Variants in PLEKHA5 observed in about 807,000 individuals in gnomAD.
The protein encoded by PLEKHA5 is pleckstrin homology domain-containing family A member 5.
In PLEKHA5, 55 loss-of-function variants were observed where a neutral mutation model predicts 181.9. The ratio of observed to expected loss-of-function variants is 0.30; its 90% confidence interval spans 0.24 to 0.38. The LOEUF (loss-of-function observed/expected upper bound fraction) is 0.38. Ranked by LOEUF, PLEKHA5 falls within the 10% of genes least tolerant of loss-of-function variation. The probability of loss-of-function intolerance (pLI) is 1.00; values close to 1 mark genes in which losing one functional copy is unlikely to be tolerated. For missense variants in PLEKHA5, 1,432 were observed against 1,549.5 expected (o/e 0.92, Z 1.27); for synonymous variants, 535 against 529.4 (o/e 1.01, Z -0.15).
At chr12:19,364,244 G>A (rs1364781820) in intron 29 of PLEKHA5, among the ~76,000 whole-genome samples, 3 of 151,854 alleles carry the variant, frequency 2.0e-5, no homozygotes, top group Non-Finnish European at 2.9e-5. Flanking sequence ...GCAGTGGCTC[G>A]TGCCTGAAAT....
rs768503723 is a variant in PLEKHA5 at position 19,361,661 on chromosome 12, A to C, written c.3563A>C (p.Asp1188Ala). The C allele has an allele frequency of 1.9e-6, 3 of 1,592,096 alleles. No individual in the cohort carries two copies. The highest frequency in any genetic ancestry group is 2.6e-6 in the Non-Finnish European group (3 of 1,163,494). Reference protein sequence around the residue: ...PNGVNSVEMMDKERNKDKMPE... With the variant: ...PNGVNSVEMMAKERNKDKMPE... ...GGAGTAAATTCTGTGGAAATGATGGATAAAGAAAGAAACAAAGACAAAATG... is the reference window on the plus strand; with the variant it reads ...GGAGTAAATTCTGTGGAAATGATGGCTAAAGAAAGAAACAAAGACAAAATG... The change falls in exon 29 of 32, where the codon GAT (aspartate) becomes GCT (alanine). Residue 1188 changes from aspartate to alanine, a missense_variant. Coordinates refer to ENST00000429027, the MANE Select transcript of PLEKHA5 (RefSeq NM_001256470.2).
intron 3 of PLEKHA5, among the ~76,000 whole-genome samples, chr12:19,174,918 A>G (rs2046833226): frequency 6.6e-6 from 1 of 152,220 alleles, no homozygotes; most frequent in South Asian, 2.1e-4. Flanking sequence ...CCAGTCTTCA[A>G]AATTGTTTTG....
chr12:19,251,590 AG>A (rs1024407388), intron 3 of PLEKHA5, among the ~76,000 whole-genome samples: 1 of 151,844 alleles, frequency 6.6e-6, no homozygotes, highest in African/African-American at 2.4e-5. Flanking sequence ...ATCCATCTAG[AG>A]TCTCTCACAG....
intron 3 of PLEKHA5, chr12:19,205,456 G>T: frequency 2.5e-6 from 2 of 807,938 alleles, no homozygotes; most frequent in Non-Finnish European, 3.0e-6. Flanking sequence ...GAGTTAATTG[G>T]CTGTTTTGTT....
chr12:19,205,306 C>G, intron 3 of PLEKHA5: 1 of 879,342 alleles, frequency 1.1e-6, no homozygotes, highest in South Asian at 5.3e-5. Flanking sequence ...GTTCAGTTTT[C>G]TTATAGTGGA....
chr12:19,259,648 G>T (rs1157992765), intron 6 of PLEKHA5, among the ~76,000 whole-genome samples: 1 of 151,882 alleles, frequency 6.6e-6, no homozygotes, highest in Non-Finnish European at 1.5e-5. Context: ...CTACTCGGGA[G>T]GCTGAGACAC....
At chr12:19,219,515 C>CTT (rs11293939) in intron 3 of PLEKHA5, among the ~76,000 whole-genome samples, 1 of 143,366 alleles carries the variant, frequency 7.0e-6, no homozygotes, top group Non-Finnish European at 1.5e-5. Context: ...TGTTTCCCTT[C>CTT]TTTTTTTTTT....
intron 15 of PLEKHA5, among the ~76,000 whole-genome samples, chr12:19,305,875 AAAAAAAAAAC>A (rs2083264671): frequency 6.7e-6 from 1 of 149,466 alleles, no homozygotes; most frequent in Non-Finnish European, 1.5e-5. Context: ...AAAAAAAAAA[AAAAAAAAAAC>A]AACTATGAAG....
At chr12:19,247,926 TA>T (rs1174796217) in intron 3 of PLEKHA5, among the ~76,000 whole-genome samples, 8 of 144,910 alleles carry the variant, frequency 5.5e-5, no homozygotes, top group South Asian at 4.4e-4. Flanking sequence ...TAAATTTAAT[TA>T]AAAAAAAAAG....
chr12:19,169,929 T>G (rs2045508819), intron 3 of PLEKHA5, among the ~76,000 whole-genome samples: 1 of 152,226 alleles, frequency 6.6e-6, no homozygotes, highest in Non-Finnish European at 1.5e-5. Flanking sequence ...GACTCAATGG[T>G]GTGCGCTAAG....
intron 28 of PLEKHA5, among the ~76,000 whole-genome samples, chr12:19,360,308 A>C (rs976520492): frequency 6.6e-6 from 1 of 152,048 alleles, no homozygotes; most frequent in Admixed American, 6.6e-5. Flanking sequence ...GTTTCAAAAA[A>C]AAAAACAAAA....
At chr12:19,166,566 C>T (rs568907671) in intron 3 of PLEKHA5, among the ~76,000 whole-genome samples, 22 of 152,232 alleles carry the variant, frequency 1.4e-4, no homozygotes, top group African/African-American at 3.6e-4. Flanking sequence ...GGCTGTGATC[C>T]AGGAACTTTC....
chr12:19,155,436 T>A (rs372109214), intron 3 of PLEKHA5, among the ~76,000 whole-genome samples: 23 of 152,172 alleles, frequency 1.5e-4, no homozygotes, highest in African/African-American at 5.1e-4. Context: ...TTCACGTCCT[T>A]TTTTTGTATG....
intron 3 of PLEKHA5, among the ~76,000 whole-genome samples, chr12:19,194,184 G>A (rs924504978): frequency 1.3e-5 from 2 of 152,202 alleles, no homozygotes; most frequent in African/African-American, 4.8e-5. Flanking sequence ...ACTTATAAGT[G>A]AGAGCTGCAG....
At chr12:19,241,666 G>C (rs2062631226) in intron 3 of PLEKHA5, among the ~76,000 whole-genome samples, 1 of 151,316 alleles carries the variant, frequency 6.6e-6, no homozygotes, top group African/African-American at 2.4e-5. Flanking sequence ...TGAGGCAGGA[G>C]AATCACTTGA....
chr12:19,300,651 G>T (rs2081226564), intron 15 of PLEKHA5, among the ~76,000 whole-genome samples: 1 of 152,124 alleles, frequency 6.6e-6, no homozygotes. Flanking sequence ...AGGAAATGAG[G>T]TTGAGTATAA....
At chr12:19,234,787 T>C (rs1273659842) in intron 3 of PLEKHA5, among the ~76,000 whole-genome samples, 6 of 152,232 alleles carry the variant, frequency 3.9e-5, no homozygotes, top group Non-Finnish European at 8.8e-5. Context: ...GTTACAGCTG[T>C]CTGATGAGAA....
intron 3 of PLEKHA5, among the ~76,000 whole-genome samples, chr12:19,191,850 G>A: frequency 6.6e-6 from 1 of 152,282 alleles, no homozygotes; most frequent in African/African-American, 2.4e-5. Flanking sequence ...CGTGACCCAT[G>A]ACATGGTGGT....
At chr12:19,211,832 G>T (rs901780642) in intron 3 of PLEKHA5, among the ~76,000 whole-genome samples, 3 of 152,146 alleles carry the variant, frequency 2.0e-5, no homozygotes, top group African/African-American at 7.2e-5. Flanking sequence ...CAGTTTGGTT[G>T]TTTTAAAGTT....
Sources: gnomAD v4.1 joint callset for allele counts (sites outside exome capture counted in the v4.1 genomes callset) on GRCh38, gnomAD v4.1.1 for gene constraint, MANE v1.5 for transcripts, NCBI Gene and HGNC (gene_info 2026-07-23, HGNC 2026-07-21) for gene names.